Variants in ATP10B observed in about 807,000 individuals in gnomAD.
ATP10B encodes ATPase phospholipid transporting 10B (putative).
ATP10B carries 122 observed loss-of-function variants against 141.2 expected under a neutral mutation model. The observed-to-expected ratio is 0.86, with a 90% CI of 0.75 to 1.00. ATP10B has a LOEUF of 1.00. Ranked by LOEUF, ATP10B falls within the 50% of genes least tolerant of loss-of-function variation. ATP10B has a pLI of 0.00. For synonymous variants in ATP10B, 685 were observed against 692.0 expected (o/e 0.99, Z 0.16); for missense variants, 1,876 against 1,825.3 (o/e 1.03, Z -0.51).
At chr5:160,617,036 T>A (rs1758060173) in intron 16 of ATP10B, among the ~76,000 whole-genome samples, 1 of 152,214 alleles carries the variant, frequency 6.6e-6, no homozygotes, top group Admixed American at 6.5e-5. Context: ...TTGGGACTAG[T>A]ACCCAGGTGG....
intron 21 of ATP10B, among the ~76,000 whole-genome samples, chr5:160,599,405 G>A (rs753324161): frequency 6.6e-6 from 1 of 152,200 alleles, no homozygotes; most frequent in Admixed American, 6.5e-5. Flanking sequence ...AGGCAGAGAG[G>A]CCTGGTTTTG....
rs142865234 is a variant in ATP10B at position 160,570,443 on chromosome 5, T to G, written c.3751-760A>C. On this transcript the variant is annotated intron_variant, in intron 24 of 25. Coordinates refer to ENST00000327245, the MANE Select transcript of ATP10B (RefSeq NM_025153.3). ...TCTTTTAGTGATTACTCAATAAGTC[T>G]AAACAAGCAAATATACTGCAGTCTA... 1.6e-4 allele frequency among the ~76,000 whole-genome samples: 25 copies of G among 152,322 alleles called. No homozygotes were observed. The East Asian group carries it at 4.4e-3, about 27-fold the overall frequency.
At chr5:160,767,351 T>A (rs1456183030) in intron 2 of ATP10B, among the ~76,000 whole-genome samples, 1 of 152,158 alleles carries the variant, frequency 6.6e-6, no homozygotes, top group East Asian at 1.9e-4. Context: ...TGTCAGGCAC[T>A]ATGCTTAATG....
rs542097307 is a variant in ATP10B, at chr5:160,601,117, G to A, written c.3363+1460C>T. Among the ~76,000 whole-genome samples the A allele has an allele frequency of 7.4e-4, 113 of 152,326 alleles. 2 individuals carry two copies. Among genetic ancestry groups the A allele is most frequent in the African/African-American group, 2.6e-3 (106 of 41,564 alleles). ...AAACAGTCTTTCACTCTCAAAGTGA[G>A]TTTCAAGTCAGATGGAGTGACTTGT... is the stretch of plus-strand genomic sequence containing the variant. On this transcript the variant is annotated intron_variant, in intron 21 of 25. Transcript: ENST00000327245.
chr5:160,764,960 G>A (rs1223510220), intron 2 of ATP10B, among the ~76,000 whole-genome samples: 1 of 151,886 alleles, frequency 6.6e-6, no homozygotes, highest in East Asian at 1.9e-4. Context: ...CCCCTTTTAT[G>A]ATAGCTGCAA....
chr5:160,808,819 G>A (rs1032557677), intron 1 of ATP10B, among the ~76,000 whole-genome samples: 6 of 152,186 alleles, frequency 3.9e-5, no homozygotes, highest in African/African-American at 1.4e-4. Flanking sequence ...CCCAAAACAA[G>A]TGACTTAAAG....
intron 2 of ATP10B, among the ~76,000 whole-genome samples, chr5:160,762,803 G>A (rs1438480173): frequency 6.6e-6 from 1 of 152,080 alleles, no homozygotes; most frequent in Non-Finnish European, 1.5e-5. Flanking sequence ...CCAAATATCT[G>A]CTGTCTTCAA....
intron 2 of ATP10B, among the ~76,000 whole-genome samples, chr5:160,766,345 C>G (rs1418681532): frequency 3.5e-5 from 3 of 85,444 alleles, no homozygotes; most frequent in African/African-American, 1.5e-4. Context: ...AGAACACACA[C>G]ACACACACAC....
rs1765697586 is a variant in ATP10B, at chr5:160,716,904, T to C, written c.-205+5A>G. On this transcript the variant is annotated splice_donor_5th_base_variant and intron_variant, in intron 3 of 25. Transcript: ENST00000327245. The stretch of plus-strand genomic sequence containing the variant: ...AGAAACGGGGAAGCAACGCAAAAGA[T>C]ATACCTGTTAGCGGAGTCCCTTTAA... 1.9e-5 allele frequency: 19 copies of C among 985,354 alleles called. No homozygotes were observed. Among genetic ancestry groups the C allele is most frequent in the Non-Finnish European group, 2.3e-5 (19 of 829,880 alleles). The allele number at this position is 985,354 out of a possible 1,614,324, so 61.0% of individuals were successfully genotyped here. A position where few individuals can be genotyped will look rare whatever the true frequency, so the allele number is the denominator to read the frequency against.
At chr5:160,727,931 A>G (rs1489845235) in intron 2 of ATP10B, among the ~76,000 whole-genome samples, 1 of 152,180 alleles carries the variant, frequency 6.6e-6, no homozygotes, top group Non-Finnish European at 1.5e-5. Flanking sequence ...GGACATACCA[A>G]TTGTAACTTT....
the ATP10B span, among the ~76,000 whole-genome samples, chr5:160,910,536 T>C: frequency 4.6e-5 from 7 of 152,222 alleles, no homozygotes; most frequent in East Asian, 9.6e-4. Flanking sequence ...TGAGTACTTG[T>C]ATGAGTCTGC....
At chr5:160,904,374 T>C in the ATP10B span, among the ~76,000 whole-genome samples, 3 of 152,272 alleles carry the variant, frequency 2.0e-5, no homozygotes, top group African/African-American at 4.8e-5. Flanking sequence ...CTGTGAGGAA[T>C]AGATTTTGGG....
At chr5:160,745,534 T>C (rs1182380254) in intron 2 of ATP10B, among the ~76,000 whole-genome samples, 1 of 152,234 alleles carries the variant, frequency 6.6e-6, no homozygotes, top group Non-Finnish European at 1.5e-5. Context: ...TAAAACTTGT[T>C]AAGAATATCA....
chr5:160,687,003 C>A (rs1016427415), intron 5 of ATP10B: 2 of 981,496 alleles, frequency 2.0e-6, no homozygotes, highest in East Asian at 1.1e-4. Flanking sequence ...GCCACAGTGC[C>A]TTTGCATGTA....
At chr5:160,776,485 G>A (rs75758164) in intron 2 of ATP10B, among the ~76,000 whole-genome samples, 3,578 of 152,290 alleles carry the variant, frequency 0.023, 50 homozygotes, top group Middle Eastern at 0.065. Flanking sequence ...AGCCCTGTGA[G>A]GTAGGTGCAA....
At chr5:160,628,500 CAAAG>C (rs1758729731) in intron 13 of ATP10B, among the ~76,000 whole-genome samples, 3 of 151,726 alleles carry the variant, frequency 2.0e-5, no homozygotes, top group African/African-American at 4.8e-5. Flanking sequence ...AAATCTCTTC[CAAAG>C]AAAGAAAGGC....
chr5:160,692,724 T>A (rs949520342), intron 3 of ATP10B: 1 of 152,248 alleles, frequency 6.6e-6, no homozygotes, highest in Non-Finnish European at 1.5e-5. Flanking sequence ...CATCTGTCTG[T>A]CCTATGATTT....
At chr5:160,767,109 C>A (rs917885349) in intron 2 of ATP10B, among the ~76,000 whole-genome samples, 10 of 152,038 alleles carry the variant, frequency 6.6e-5, no homozygotes, top group Non-Finnish European at 1.5e-4. Context: ...TAACAGATAG[C>A]TGATGAGCTT....
Position 160,570,446 on chromosome 5 carries a change from A to G in ATP10B, c.3751-763T>C, listed in dbSNP as rs17058024. 9.6e-3 allele frequency among the ~76,000 whole-genome samples: 1,465 copies of G among 152,318 alleles called. 11 individuals are homozygous for G. Among genetic ancestry groups the G allele is most frequent in the East Asian group, 0.044 (229 of 5,182 alleles). Reference sequence around the variant, plus strand: ...TTTAGTGATTACTCAATAAGTCTAAACAAGCAAATATACTGCAGTCTAAAC... The same window carrying G: ...TTTAGTGATTACTCAATAAGTCTAAGCAAGCAAATATACTGCAGTCTAAAC... On this transcript the variant is annotated intron_variant, in intron 24 of 25. Coordinates refer to ENST00000327245, the MANE Select transcript of ATP10B (RefSeq NM_025153.3).
Sources: allele counts gnomAD v4.1 joint callset (sites outside exome capture counted in the v4.1 genomes callset), GRCh38; gene constraint gnomAD v4.1.1; transcripts MANE v1.5; gene names NCBI Gene and HGNC (gene_info 2026-07-23, HGNC 2026-07-21).